The following LYST variants were observed in gnomAD, a reference collection of about 807,000 sequenced individuals.
LYST encodes lysosomal trafficking regulator, also known as lysosomal-trafficking regulator.
A neutral mutation model predicts 413.6 loss-of-function variants in LYST; 192 were observed. That is an observed-to-expected ratio of 0.46 (90% CI 0.41 to 0.52). The LOEUF (loss-of-function observed/expected upper bound fraction) is 0.52. Ranked by LOEUF, LYST falls within the 20% of genes least tolerant of loss-of-function variation. The pLI, the probability that LYST is intolerant of heterozygous loss-of-function variation, is 0.00. For synonymous variants in LYST, 1,525 were observed against 1,567.3 expected, an observed-to-expected ratio of 0.97 and a Z score of 0.64; for missense variants, 3,815 against 4,499.9, an observed-to-expected ratio of 0.85 and a Z score of 4.35.
intron 40 of LYST, among the ~76,000 whole-genome samples, chr1:235,716,988 C>A (rs749601013): frequency 2.6e-5 from 4 of 152,102 alleles, no homozygotes; most frequent in Non-Finnish European, 5.9e-5. Context: ...AGAGCCAGGC[C>A]AGTATTAGGA....
intron 39 of LYST, among the ~76,000 whole-genome samples, chr1:235,722,361 A>AG (rs1379523909): frequency 1.3e-5 from 2 of 152,228 alleles, no homozygotes; most frequent in African/African-American, 2.4e-5. Flanking sequence ...AATAATCTGA[A>AG]GGGGGGCTAA....
At chr1:235,753,746 A>G (rs142076781) in intron 25 of LYST, among the ~76,000 whole-genome samples, 103 of 152,236 alleles carry the variant, frequency 6.8e-4, no homozygotes, top group African/African-American at 2.5e-3. Flanking sequence ...TTTGTGCCTC[A>G]TTTTCCTTAT....
intron 3 of LYST, among the ~76,000 whole-genome samples, chr1:235,816,950 A>C (rs1674187092): frequency 1.3e-5 from 2 of 152,242 alleles, no homozygotes; most frequent in Admixed American, 1.3e-4. Flanking sequence ...AGAGTGGGAG[A>C]AAATATTTGC....
At chr1:235,704,555 T>C (rs947002779) in intron 44 of LYST, among the ~76,000 whole-genome samples, 1 of 152,234 alleles carries the variant, frequency 6.6e-6, no homozygotes, top group Admixed American at 6.5e-5. Context: ...GTATGTCTTG[T>C]TTTGAAATGT....
chr1:235,704,870 C>T (rs1661849665), intron 44 of LYST, among the ~76,000 whole-genome samples: 2 of 152,184 alleles, frequency 1.3e-5, no homozygotes, highest in East Asian at 1.9e-4. Flanking sequence ...AGGATTGATA[C>T]ACTCCTGTAG....
chr1:235,865,303 GTTCCCTGCCCTCCCTC>G (rs202130370), intron 1 of LYST, among the ~76,000 whole-genome samples: 2 of 151,830 alleles, frequency 1.3e-5, no homozygotes, highest in Non-Finnish European at 2.9e-5. Flanking sequence ...ACCTCTCCCG[GTTCCCTGCCCTCCCTC>G]TTCCCTGCCC....
chr1:235,708,957 T>C, intron 44 of LYST, 134 bp downstream of exon 44: 2 of 773,712 alleles, frequency 2.6e-6, no homozygotes, highest in Non-Finnish European at 4.4e-6. Context: ...TGAAAAATCT[T>C]AGGTGACAGT....
chr1:235,710,622 C>T (rs1662334948), intron 43 of LYST, among the ~76,000 whole-genome samples: 1 of 152,210 alleles, frequency 6.6e-6, no homozygotes, highest in Non-Finnish European at 1.5e-5. Flanking sequence ...ACAGCATTTC[C>T]TGTCTTGCAT....
chr1:235,829,872 T>A, intron 3 of LYST: 2 of 174,816 alleles, frequency 1.1e-5, no homozygotes, highest in South Asian at 2.6e-4. Context: ...TACTTGATAT[T>A]TATTGAAAAT....
In LYST at chr1:235,780,962, T is replaced by G; in HGVS notation, c.5117A>C (p.Asn1706Thr). The change falls in exon 16 of 53, where the codon AAT becomes ACT. Residue 1706 changes from asparagine to threonine, a missense_variant. Asn to Thr is a moderately conservative substitution (Grantham distance 65). Transcript: ENST00000389793. ...TTTATTAATATATTTGGAGTAGTCA[T>G]TGACTGGCTTGCCATACTTACATGG... Reference protein sequence around the residue: ...VMPCKYGKPVNDYSKYINKEI... With the variant: ...VMPCKYGKPVTDYSKYINKEI... 6.2e-7 allele frequency: 1 copy of G among 1,606,010 alleles called. No homozygotes were observed. The highest frequency in any genetic ancestry group is 8.5e-7 in the Non-Finnish European group (1 of 1,173,822).
intron 3 of LYST, among the ~76,000 whole-genome samples, chr1:235,822,233 C>T (rs1674825541): frequency 6.6e-6 from 1 of 152,074 alleles, no homozygotes; most frequent in African/African-American, 2.4e-5. Context: ...GAGAAGACAC[C>T]TCATAGGGTG....
chr1:235,670,263 G>A (rs1332170090), intron 50 of LYST, among the ~76,000 whole-genome samples: 1 of 152,190 alleles, frequency 6.6e-6, no homozygotes, highest in Non-Finnish European at 1.5e-5. Flanking sequence ...CAAGCCAATG[G>A]GGAGAGGACA....
intron 50 of LYST, among the ~76,000 whole-genome samples, chr1:235,666,697 C>G (rs1442508098): frequency 6.6e-6 from 1 of 151,606 alleles, no homozygotes; most frequent in Non-Finnish European, 1.5e-5. Context: ...AATATAGCAT[C>G]AAGATGCAGG....
At chr1:235,700,261 C>T (rs1003665060) in intron 45 of LYST, among the ~76,000 whole-genome samples, 4 of 152,060 alleles carry the variant, frequency 2.6e-5, no homozygotes, top group Admixed American at 1.3e-4. Flanking sequence ...AGCTTCTGCA[C>T]GTCAAAAGAG....
At chr1:235,804,891 T>G (rs576570460) in intron 6 of LYST, among the ~76,000 whole-genome samples, 10 of 152,208 alleles carry the variant, frequency 6.6e-5, no homozygotes, top group Admixed American at 2.6e-4. Flanking sequence ...TTGGTTTTCA[T>G]TGCAGCATGG....
Position 235,806,651 on chromosome 1 carries a change from C to G in LYST, c.2485G>C (p.Glu829Gln). Residue 829 changes from glutamate (E) to glutamine (Q), a missense_variant, in exon 6 of 53, where the codon GAG becomes CAG. Around this residue, in one of 4 missense-constraint regions of LYST, gnomAD observed 1,648 missense variants for 1,810.3 expected, o/e 0.91. Coordinates refer to ENST00000389793, the MANE Select transcript of LYST (RefSeq NM_000081.4). ...AFETLIISLG[E>Q]QQKDASVPDI... is the part of the protein sequence containing the mutation. ...GGAACTGAGGCATCTTTCTGTTGCT[C>G]CCCTAGGCTGATTATCAGAGTTTCA... 1 of 1,613,938 alleles carries G rather than the reference C, an allele frequency of 6.2e-7. No homozygotes were observed. The highest frequency in any genetic ancestry group is 8.5e-7 in the Non-Finnish European group (1 of 1,179,876).
intron 1 of LYST, chr1:235,852,975 T>G (rs2103109779): frequency 5.9e-6 from 1 of 170,508 alleles, no homozygotes. Flanking sequence ...TCAGAGCATT[T>G]TAGCGATTAG....
chr1:235,778,283 G>C (rs1467204561), intron 16 of LYST, among the ~76,000 whole-genome samples: 1 of 151,490 alleles, frequency 6.6e-6, no homozygotes, highest in African/African-American at 2.4e-5. Flanking sequence ...GGTAGTAGAT[G>C]CCAAACCCAG....
chr1:235,726,713 C>T (rs566890626), intron 38 of LYST, among the ~76,000 whole-genome samples: 48 of 152,264 alleles, frequency 3.2e-4, no homozygotes, highest in African/African-American at 1.1e-3. Context: ...TGCAAGTTGA[C>T]TTAAAATTAA....
Sources: allele counts gnomAD v4.1 joint callset (sites outside exome capture counted in the v4.1 genomes callset), GRCh38; gene constraint gnomAD v4.1.1; regional missense constraint gnomAD v4.1.1; transcripts MANE v1.5; gene names NCBI Gene and HGNC (gene_info 2026-07-23, HGNC 2026-07-21).